IDUA: variants seen among roughly 807,000 people sequenced by gnomAD.
The protein encoded by IDUA is iduronidase alpha-L-.
IDUA carries 65 observed loss-of-function variants against 68.9 expected under a neutral mutation model. The observed-to-expected ratio is 0.94, with a 90% CI of 0.77 to 1.16. The LOEUF (loss-of-function observed/expected upper bound fraction) is 1.16, where lower values mean the gene tolerates loss of function less well. Among genes scored for constraint, IDUA ranks in the 50% most tolerant of loss-of-function variants. The pLI is 0.00. For synonymous variants in IDUA, 529 were observed against 433.6 expected (o/e 1.22, Z -2.73); for missense variants, 1,046 against 938.0 (o/e 1.12, Z -1.50).
In IDUA at chr4:1,004,537, C is replaced by T. The variant is rs943947421; in HGVS notation, c.*144C>T. The T allele has an allele frequency of 1.1e-6, 1 of 870,982 alleles. No individual in the cohort carries two copies. The highest frequency in any genetic ancestry group is 1.7e-6 in the Non-Finnish European group (1 of 585,318). 54.0% of individuals were successfully genotyped at this position (870,982 alleles called of 1,614,324 possible). On this transcript the variant is annotated 3_prime_UTR_variant, in exon 14 of 14. Transcript: ENST00000514224. The surrounding 1 kb of genome is among the most constrained non-coding windows in gnomAD (Gnocchi z 5.0). ...TTCTTTTATATCTTGGTACCAACGC[C>T]CCCTTTAAAGCGGCTTTGCACAGGT... is the stretch of plus-strand genomic sequence containing the variant.
chr4:989,879 C>T lies in IDUA; in HGVS notation c.299+1930C>T, dbSNP rs756246013. The T allele has an allele frequency of 6.3e-5, 99 of 1,571,322 alleles. No individual in the cohort carries two copies. Among genetic ancestry groups the T allele is most frequent in the Middle Eastern group, 3.4e-4 (2 of 5,926 alleles). ...ATCTCCGCCAGCGAGATGGAGAAGGCGGCAGCCACGAGGGCCAGGGCCACG... is the reference window on the plus strand; with the variant it reads ...ATCTCCGCCAGCGAGATGGAGAAGGTGGCAGCCACGAGGGCCAGGGCCACG... On this transcript the variant is annotated intron_variant, in intron 2 of 13. Transcript: ENST00000514224.
In IDUA at chr4:994,914, A is replaced by G. The variant is rs1458279582; in HGVS notation, c.300-5698A>G. Among the ~76,000 whole-genome samples, 3 of 152,282 alleles carry G rather than the reference A, an allele frequency of 2.0e-5. No individual in the cohort carries two copies. In the East Asian group the frequency reaches 5.8e-4, roughly 29 times the overall value. ...GCACCCTATCCTAGGCCACAGAGCAAGAGCCCGTCTCAAAAACAAACGCTG... is the reference window on the plus strand; with the variant it reads ...GCACCCTATCCTAGGCCACAGAGCAGGAGCCCGTCTCAAAAACAAACGCTG... On this transcript the variant is annotated intron_variant, in intron 2 of 13. Coordinates refer to ENST00000514224, the MANE Select transcript of IDUA (RefSeq NM_000203.5).
chr4:992,230 G>A, intron 2 of IDUA: 1 of 457,622 alleles, frequency 2.2e-6, no homozygotes, highest in South Asian at 1.5e-5. Context: ...TGGCTCCCCA[G>A]GTTGGCAAAC....
chr4:988,331 C>A, intron 2 of IDUA: 1 of 1,096,884 alleles, frequency 9.1e-7, no homozygotes, highest in East Asian at 6.7e-5. Flanking sequence ...GGTGGCCACC[C>A]TGTGAGGGGG....
rs1260725493 is a variant in IDUA, at chr4:987,140, C to A, written c.56C>A (p.Ala19Asp). 1 of 1,422,228 alleles carries A rather than the reference C, an allele frequency of 7.0e-7. No individual in the cohort carries two copies. Among genetic ancestry groups the A allele is most frequent in the Non-Finnish European group, 9.1e-7 (1 of 1,093,728 alleles). 88.1% of individuals were successfully genotyped at this position (1,422,228 alleles called of 1,614,324 possible). ...CTGGCGCTCCTGGCCTCGCTCCTGGCCGCGCCCCCGGTGGCCCCGGCCGAG... is the reference window on the plus strand; with the variant it reads ...CTGGCGCTCCTGGCCTCGCTCCTGGACGCGCCCCCGGTGGCCCCGGCCGAG... ...ALLALLASLL[A>D]APPVAPAEAP... The change falls in exon 1 of 14, where the codon GCC becomes GAC. Residue 19 changes from alanine (A) to aspartate (D), a missense_variant. Physicochemically the swap from Ala to Asp is moderately radical, Grantham distance 126. Coordinates refer to ENST00000514224, the MANE Select transcript of IDUA (RefSeq NM_000203.5).
intron 2 of IDUA, chr4:989,507 C>A: frequency 6.4e-7 from 1 of 1,553,246 alleles, no homozygotes; most frequent in Non-Finnish European, 8.7e-7. Flanking sequence ...CAGGTGGCCG[C>A]GGTGCCTGCC....
intron 2 of IDUA, among the ~76,000 whole-genome samples, chr4:999,048 C>CA (rs202044389): frequency 1.4e-4 from 21 of 151,706 alleles, no homozygotes; most frequent in Non-Finnish European, 2.4e-4. Context: ...ACTAAAAATA[C>CA]AAAAAAATTA....
At chr4:991,166 C>T in intron 2 of IDUA, 1 of 1,564,986 alleles carries the variant, frequency 6.4e-7, no homozygotes, top group Non-Finnish European at 8.7e-7. Flanking sequence ...GCGGTGGCGA[C>T]ACGGATGGCG....
chr4:1,002,449 C>G lies in IDUA; in HGVS notation c.1153C>G (p.Pro385Ala). 1 of 1,557,586 alleles carries G rather than the reference C, an allele frequency of 6.4e-7. No individual in the cohort carries two copies. The highest frequency in any genetic ancestry group is 8.7e-7 in the Non-Finnish European group (1 of 1,151,940). Residue 385 changes from proline to alanine, a missense_variant, in exon 8 of 14, where the codon CCG (proline) becomes GCG (alanine). Coordinates refer to ENST00000514224, the MANE Select transcript of IDUA (RefSeq NM_000203.5). ...GCCGCACGTGCAGCTGTTGCGCAAG[C>G]CGGTGCTCACGGCCATGGGGCTGCT... ...RPPHVQLLRK[P>A]VLTAMGLLAL... is the part of the protein sequence containing the mutation.
At chr4:1,001,219 C>G in intron 4 of IDUA, 1 of 617,828 alleles carries the variant, frequency 1.6e-6, no homozygotes, top group East Asian at 2.7e-5. Context: ...CCCTGGGCCC[C>G]TGGGGTGGGG....
intron 1 of IDUA, 133 bp downstream of exon 1, chr4:987,375 C>G (rs577464111): frequency 2.1e-5 from 20 of 960,928 alleles, no homozygotes; most frequent in African/African-American, 2.1e-4. Flanking sequence ...GGCCCGCCCC[C>G]CGCCGTGTTT....
intron 2 of IDUA, chr4:992,006 C>T (rs1398143792): frequency 1.4e-5 from 9 of 642,628 alleles, no homozygotes; most frequent in Non-Finnish European, 2.0e-5. Flanking sequence ...TGCTGAGGGG[C>T]GGCGTGGCGG....
rs566358434 is a variant in IDUA at position 989,168 on chromosome 4, C to T, written c.299+1219C>T. 189 of 1,607,192 alleles carry T rather than the reference C, an allele frequency of 1.2e-4. 3 individuals are homozygous for T. The South Asian group carries it at 1.3e-3, about 11-fold the overall frequency. ...CTGGTGCTAACCGGGCCCAGGTCCT[C>T]GCCCTGGGCAGGGCCTCCCTCACCG... On this transcript the variant is annotated intron_variant, in intron 2 of 13. Transcript: ENST00000514224.
In IDUA at chr4:1,004,514, C is replaced by A. The variant is rs559094674; in HGVS notation, c.*121C>A. 8.8e-5 allele frequency: 92 copies of A among 1,044,282 alleles called. No homozygotes were observed. Among genetic ancestry groups the A allele is most frequent in the Admixed American group, 2.4e-4 (9 of 38,082 alleles). The allele number at this position is 1,044,282 out of a possible 1,614,324, so 64.7% of individuals were successfully genotyped here. On this transcript the variant is annotated 3_prime_UTR_variant, in exon 14 of 14. Transcript: ENST00000514224. This position sits in a 1 kb window ranked among gnomAD's most constrained non-coding sequence, Gnocchi z 5.0. ...ATATATTTTTATATTTTATTATTTT[C>A]TTTTATATCTTGGTACCAACGCCCC...
At chr4:989,170 C>G (rs755345105) in intron 2 of IDUA, 1 of 1,607,350 alleles carries the variant, frequency 6.2e-7, no homozygotes, top group East Asian at 2.2e-5. Flanking sequence ...CAGGTCCTCG[C>G]CCTGGGCAGG....
At chr4:988,580 T>C (rs1577510602) in intron 2 of IDUA, 6 of 1,339,080 alleles carry the variant, frequency 4.5e-6, no homozygotes, top group South Asian at 3.9e-5. Context: ...GGACGGTGCA[T>C]TGGGGCCCAG....
chr4:1,003,393 A>G lies in IDUA; in HGVS notation c.1573A>G (p.Thr525Ala). ...CCCCTTACCCGCCGGCGGCCGCCTG[A>G]CCCTGCGCCCCGCGCTGCGGCTGCC... ...PRPLPAGGRLTLRPALRLPSL... is the reference protein window; with the variant it reads ...PRPLPAGGRLALRPALRLPSL... The change falls in exon 11 of 14, where the codon ACC (threonine) becomes GCC (alanine). Residue 525 changes from threonine (T) to alanine (A), a missense_variant. Coordinates refer to ENST00000514224, the MANE Select transcript of IDUA (RefSeq NM_000203.5). 2 of 1,520,202 alleles carry G rather than the reference A, an allele frequency of 1.3e-6. No homozygotes were observed. Among genetic ancestry groups the G allele is most frequent in the Non-Finnish European group, 1.8e-6 (2 of 1,141,054 alleles). 94.2% of individuals were successfully genotyped at this position (1,520,202 alleles called of 1,614,324 possible). A position where few individuals can be genotyped will look rare whatever the true frequency, so the allele number is the denominator to read the frequency against.
chr4:996,743 C>A (rs1714762785), intron 2 of IDUA, among the ~76,000 whole-genome samples: 1 of 152,188 alleles, frequency 6.6e-6, no homozygotes. Flanking sequence ...CTCAGTTTCT[C>A]TGAGCATTGA....
intron 2 of IDUA, among the ~76,000 whole-genome samples, chr4:998,027 G>A (rs550597084): frequency 6.6e-6 from 1 of 152,350 alleles, no homozygotes; most frequent in South Asian, 2.1e-4. Context: ...CTCCAACTCC[G>A]TGGGACTTTG....
Sources: allele counts gnomAD v4.1 joint callset (sites outside exome capture counted in the v4.1 genomes callset), GRCh38; gene constraint gnomAD v4.1.1; non-coding constraint Gnocchi (gnomAD v3.1); transcripts MANE v1.5; gene names NCBI Gene and HGNC (gene_info 2026-07-23, HGNC 2026-07-21).